Variants in LRP1B observed in about 807,000 individuals in gnomAD.
LRP1B encodes LDL receptor related protein 1B, also known as low-density lipoprotein receptor-related protein 1B.
A neutral mutation model predicts 556.6 loss-of-function variants in LRP1B; 217 were observed. That is an observed-to-expected ratio of 0.39 (90% confidence interval 0.35 to 0.44). The LOEUF (loss-of-function observed/expected upper bound fraction) is 0.44. Ranked by LOEUF, LRP1B falls within the 20% of genes least tolerant of loss-of-function variation. LRP1B has a pLI of 1.00. For synonymous variants in LRP1B, 2,047 were observed against 1,865.8 expected (o/e 1.10, Z -2.50); for missense variants, 5,053 against 5,620.8 (o/e 0.90, Z 3.23).
chr2:140,597,268 C>A (rs543693354), intron 43 of LRP1B, among the ~76,000 whole-genome samples: 1 of 151,944 alleles, frequency 6.6e-6, no homozygotes, highest in Non-Finnish European at 1.5e-5. Context: ...CAGAAAAAAT[C>A]CTTTAAATTA....
intron 2 of LRP1B, among the ~76,000 whole-genome samples, chr2:141,546,036 G>C (rs962872787): frequency 2.0e-5 from 3 of 152,080 alleles, no homozygotes; most frequent in Non-Finnish European, 4.4e-5. Flanking sequence ...TTATCCGCAT[G>C]GATCTTGGTG....
intron 63 of LRP1B, among the ~76,000 whole-genome samples, chr2:140,444,898 A>G (rs903014868): frequency 3.3e-5 from 5 of 152,170 alleles, no homozygotes; most frequent in African/African-American, 1.2e-4. Context: ...ACTTTAGAAG[A>G]TAGGAATTAA....
chr2:140,956,399 A>G (rs1479912118), intron 18 of LRP1B, among the ~76,000 whole-genome samples: 1 of 151,806 alleles, frequency 6.6e-6, no homozygotes, highest in African/African-American at 2.4e-5. Flanking sequence ...TTGGGAAGGA[A>G]TTAAAAATTT....
intron 3 of LRP1B, among the ~76,000 whole-genome samples, chr2:141,333,282 T>C (rs1344677125): frequency 6.6e-6 from 1 of 152,068 alleles, no homozygotes; most frequent in Non-Finnish European, 1.5e-5. Context: ...TCCTTCTAAC[T>C]TTGTGGATTA....
intron 1 of LRP1B, among the ~76,000 whole-genome samples, chr2:142,010,627 A>G (rs966052684): frequency 5.3e-5 from 8 of 151,720 alleles, no homozygotes; most frequent in Non-Finnish European, 1.2e-4. Flanking sequence ...AACAGCCACA[A>G]CAGAATACCC....
At chr2:141,059,829 T>C (rs1035082044) in intron 8 of LRP1B, among the ~76,000 whole-genome samples, 3 of 151,780 alleles carry the variant, frequency 2.0e-5, no homozygotes, top group Non-Finnish European at 4.4e-5. Flanking sequence ...AAAAGAAGAA[T>C]ACATGTGCTG....
At chr2:140,531,859 A>G (rs1472463498) in intron 47 of LRP1B, among the ~76,000 whole-genome samples, 1 of 152,142 alleles carries the variant, frequency 6.6e-6, no homozygotes, top group Non-Finnish European at 1.5e-5. Context: ...GAAAATGCTG[A>G]ATGATCCTCC....
intron 2 of LRP1B, among the ~76,000 whole-genome samples, chr2:141,688,205 TACACAC>T (rs773794577): frequency 6.7e-6 from 1 of 149,778 alleles, no homozygotes; most frequent in African/African-American, 2.4e-5. Flanking sequence ...CATATAAATA[TACACAC>T]ACACACACAC....
chr2:140,819,429 T>C (rs951055607), intron 31 of LRP1B, among the ~76,000 whole-genome samples: 2 of 152,078 alleles, frequency 1.3e-5, no homozygotes, highest in African/African-American at 2.4e-5. Context: ...TGGGAGTAAA[T>C]ATTTGCAATC....
chr2:141,822,888 C>T (rs939640226), intron 1 of LRP1B, among the ~76,000 whole-genome samples: 5 of 152,052 alleles, frequency 3.3e-5, no homozygotes, highest in Non-Finnish European at 5.9e-5. Context: ...CTTACAATAA[C>T]GTGAGGTAGG....
intron 1 of LRP1B, among the ~76,000 whole-genome samples, chr2:141,935,895 C>G (rs1210713318): frequency 1.3e-5 from 2 of 152,100 alleles, no homozygotes; most frequent in African/African-American, 4.8e-5. Context: ...CAAGGCCAGC[C>G]AAAGCAACAT....
chr2:141,512,347 C>A (rs1394529756), intron 2 of LRP1B, among the ~76,000 whole-genome samples: 1 of 152,156 alleles, frequency 6.6e-6, no homozygotes, highest in Non-Finnish European at 1.5e-5. Context: ...ACATTTTCTT[C>A]TCCCTTTTGC....
At chr2:141,789,467 C>T (rs1278384485) in intron 2 of LRP1B, among the ~76,000 whole-genome samples, 1 of 151,864 alleles carries the variant, frequency 6.6e-6, no homozygotes, top group East Asian at 1.9e-4. Context: ...ACCATATTAA[C>T]AACATGTAAG....
chr2:140,774,793 C>T (rs56247100), intron 33 of LRP1B, among the ~76,000 whole-genome samples: 78,179 of 151,890 alleles, frequency 0.51, 20,526 homozygotes, highest in East Asian at 0.6. Context: ...TATTTTGATA[C>T]AGAAAAAGTT....
chr2:141,007,317 G>A (rs1017734510), intron 14 of LRP1B, among the ~76,000 whole-genome samples: 1 of 151,740 alleles, frequency 6.6e-6, no homozygotes, highest in Non-Finnish European at 1.5e-5. Flanking sequence ...ATCATTGAGT[G>A]CCCGTAGATC....
intron 2 of LRP1B, among the ~76,000 whole-genome samples, chr2:141,739,365 A>G (rs1693612736): frequency 6.6e-6 from 1 of 152,136 alleles, no homozygotes; most frequent in Non-Finnish European, 1.5e-5. Flanking sequence ...TAAATAAATG[A>G]ATAAATAAGC....
intron 86 of LRP1B, chr2:140,269,306 C>T: frequency 2.1e-6 from 1 of 471,014 alleles, no homozygotes; most frequent in Non-Finnish European, 4.4e-6. Flanking sequence ...AAGTGCAAAT[C>T]CCCTCATTCT....
chr2:140,950,251 G>C lies in LRP1B; in HGVS notation c.3120C>G (p.Ile1040Met), dbSNP rs2105299657. 6.3e-7 allele frequency: 1 copy of C among 1,592,288 alleles called. No individual in the cohort carries two copies. The change falls in exon 20 of 91, where the codon ATC (isoleucine) becomes ATG (methionine). Residue 1040 changes from isoleucine to methionine, a missense_variant. By Grantham distance (10) the Ile-to-Met change is conservative. Around this residue, in one of 5 missense-constraint regions of LRP1B, gnomAD observed 3,619 missense variants for 3,931.9 expected, o/e 0.92. Transcript: ENST00000389484. ...DCGDFSDEAQ[I>M]NCTKEEIHSP... Reference sequence around the variant, plus strand: ...ATTACTAACCTTCTTTAGTACAATTGATCTGGGCTTCATCACTGAAGTCCC... The same window carrying C: ...ATTACTAACCTTCTTTAGTACAATTCATCTGGGCTTCATCACTGAAGTCCC...
chr2:141,937,327 G>A (rs1700661494), intron 1 of LRP1B, among the ~76,000 whole-genome samples: 1 of 151,902 alleles, frequency 6.6e-6, no homozygotes, highest in African/African-American at 2.4e-5. Context: ...GGAGTTTGCA[G>A]TGAGCCGAGA....
Sources: gnomAD v4.1 joint callset for allele counts (sites outside exome capture counted in the v4.1 genomes callset) on GRCh38, gnomAD v4.1.1 for gene constraint, gnomAD v4.1.1 regional missense constraint, MANE v1.5 for transcripts, NCBI Gene and HGNC (gene_info 2026-07-23, HGNC 2026-07-21) for gene names.